Variants in CSMD1 observed in about 807,000 individuals in gnomAD.
CSMD1 encodes the protein CUB and Sushi multiple domains 1.
CSMD1 carries 213 observed loss-of-function variants against 417.5 expected under a neutral mutation model. That is an observed-to-expected ratio of 0.51 (90% confidence interval 0.46 to 0.57). The LOEUF is 0.57. Ranked by LOEUF, CSMD1 falls within the 20% of genes least tolerant of loss-of-function variation. CSMD1 has a pLI of 0.00. For synonymous variants in CSMD1, 2,862 were observed against 1,736.8 expected (o/e 1.65, Z -16.11); for missense variants, 6,923 against 4,529.7 (o/e 1.53, Z -15.17).
chr8:4,008,127 A>C (rs923505338), intron 4 of CSMD1, among the ~76,000 whole-genome samples: 2 of 152,210 alleles, frequency 1.3e-5, no homozygotes, highest in African/African-American at 4.8e-5. Context: ...AAGTCAAGGC[A>C]GGTAGAGAAA....
chr8:3,614,692 G>C (rs935718842), intron 8 of CSMD1, among the ~76,000 whole-genome samples: 14 of 152,170 alleles, frequency 9.2e-5, no homozygotes, highest in African/African-American at 2.4e-4. Flanking sequence ...AGGTTTCTGG[G>C]ATGACAGGAT....
Position 3,411,971 on chromosome 8 carries a change from TATATATACAC to T in CSMD1, c.1562-2376_1562-2367del, listed in dbSNP as rs1216980175. On this transcript the variant is annotated intron_variant, in intron 12 of 69. Transcript: ENST00000635120. ...GTATATATACACGTATATATGCACGTATATATACACGTATATATACGTGTATATACACGTA... is the reference window on the plus strand; with the variant it reads ...GTATATATACACGTATATATGCACGTGTATATATACGTGTATATACACGTA... 4.9e-4 allele frequency among the ~76,000 whole-genome samples: 36 copies of T among 73,132 alleles called. 11 individuals carry two copies. The highest frequency in any genetic ancestry group is 8.5e-4 in the Non-Finnish European group (31 of 36,450). The allele number at this position is 73,132 out of a possible 152,430, so 48.0% of individuals were successfully genotyped here.
intron 1 of CSMD1, among the ~76,000 whole-genome samples, chr8:4,824,506 C>G (rs1431183799): frequency 1.3e-5 from 2 of 152,008 alleles, no homozygotes; most frequent in Non-Finnish European, 2.9e-5. Context: ...ACAGAGTAGT[C>G]CCAATTAAAA....
intron 1 of CSMD1, among the ~76,000 whole-genome samples, chr8:4,990,114 C>T (rs761620982): frequency 6.6e-6 from 1 of 152,158 alleles, no homozygotes; most frequent in Non-Finnish European, 1.5e-5. Flanking sequence ...GCACTACTTG[C>T]CATTTGCTTC....
chr8:4,717,937 G>A (rs1481819189), intron 1 of CSMD1, among the ~76,000 whole-genome samples: 2 of 152,026 alleles, frequency 1.3e-5, no homozygotes, highest in Non-Finnish European at 2.9e-5. Context: ...TAAAACAGTG[G>A]CAAACAATAG....
chr8:4,189,551 T>G (rs1798891232), intron 3 of CSMD1, among the ~76,000 whole-genome samples: 1 of 152,192 alleles, frequency 6.6e-6, no homozygotes, highest in African/African-American at 2.4e-5. Context: ...TACCATCAAT[T>G]ATCCCTCCAA....
At chr8:4,081,893 A>G (rs928666651) in intron 3 of CSMD1, among the ~76,000 whole-genome samples, 1 of 152,228 alleles carries the variant, frequency 6.6e-6, no homozygotes, top group African/African-American at 2.4e-5. Flanking sequence ...GGATTTAGTT[A>G]CAGTAGTGCT....
At chr8:4,955,731 C>T (rs1809056958) in intron 1 of CSMD1, among the ~76,000 whole-genome samples, 1 of 145,772 alleles carries the variant, frequency 6.9e-6, no homozygotes, top group Non-Finnish European at 1.5e-5. Context: ...GCTGGGATTA[C>T]AGGCGTGAGC....
chr8:4,084,843 A>C (rs1313196141), intron 3 of CSMD1, among the ~76,000 whole-genome samples: 1 of 150,348 alleles, frequency 6.7e-6, no homozygotes, highest in East Asian at 2.0e-4. Context: ...TTCCATCTTG[A>C]AGAAGAATGA....
intron 1 of CSMD1, among the ~76,000 whole-genome samples, chr8:4,756,786 T>C (rs1192558308): frequency 6.6e-6 from 1 of 152,170 alleles, no homozygotes; most frequent in Non-Finnish European, 1.5e-5. Flanking sequence ...GCATTTTAGG[T>C]CTATATTTTC....
chr8:3,354,875 A>ATATCTATAGATATGTCTATCTATACATC (rs1808650006), intron 21 of CSMD1, among the ~76,000 whole-genome samples: 1 of 71,522 alleles, frequency 1.4e-5, no homozygotes, highest in African/African-American at 7.1e-5. Context: ...AGATATACAT[A>ATATCTATAGATATGTCTATCTATACATC]TATCTATAGA....
At chr8:3,257,939 A>G (rs975227677) in intron 26 of CSMD1, among the ~76,000 whole-genome samples, 2 of 152,154 alleles carry the variant, frequency 1.3e-5, no homozygotes, top group African/African-American at 4.8e-5. Flanking sequence ...TAATGTAGCC[A>G]CTGTGTTCAG....
Position 3,709,152 on chromosome 8 carries a change from C to T in CSMD1, c.932-661G>A, listed in dbSNP as rs1401062955. On this transcript the variant is annotated intron_variant, in intron 6 of 69. Transcript: ENST00000635120. ...CTGCATTAAACATTTTAAGAAGTTT[C>T]ATTTTTTTTTTTTGGTCACTTACGG... Among the ~76,000 whole-genome samples the T allele has an allele frequency of 2.6e-4, 8 of 30,658 alleles. No individual in the cohort carries two copies. In the Admixed American group the frequency reaches 5.8e-3, roughly 22 times the overall value. 20.1% of individuals were successfully genotyped at this position (30,658 alleles called of 152,430 possible). A position where few individuals can be genotyped will look rare whatever the true frequency, so the allele number is the denominator to read the frequency against.
intron 3 of CSMD1, among the ~76,000 whole-genome samples, chr8:4,240,032 T>G (rs1802296882): frequency 6.6e-6 from 1 of 152,240 alleles, no homozygotes; most frequent in Non-Finnish European, 1.5e-5. Context: ...TCCCACATAT[T>G]TCTTGACAAG....
chr8:4,182,878 A>G (rs1052359117), intron 3 of CSMD1, among the ~76,000 whole-genome samples: 1 of 152,194 alleles, frequency 6.6e-6, no homozygotes, highest in African/African-American at 2.4e-5. Context: ...CTCAGAGTCT[A>G]GAACTGTATG....
At chr8:4,555,863 G>C (rs998888435) in intron 2 of CSMD1, among the ~76,000 whole-genome samples, 2 of 151,964 alleles carry the variant, frequency 1.3e-5, no homozygotes, top group Admixed American at 6.6e-5. Flanking sequence ...ATATCTAAAA[G>C]ACTGAAAAGA....
intron 18 of CSMD1, among the ~76,000 whole-genome samples, chr8:3,386,556 C>A (rs61059223): frequency 4.0e-4 from 61 of 152,220 alleles, no homozygotes; most frequent in African/African-American, 1.4e-3. Flanking sequence ...TTCCATAAAC[C>A]CTGTTATTTT....
chr8:3,527,579 G>A (rs1466072733), intron 10 of CSMD1, among the ~76,000 whole-genome samples: 4 of 151,912 alleles, frequency 2.6e-5, no homozygotes, highest in Non-Finnish European at 5.9e-5. Flanking sequence ...AAATCGCACA[G>A]AACTCTATAC....
chr8:3,852,101 C>T (rs1268064987), intron 5 of CSMD1, among the ~76,000 whole-genome samples: 1 of 152,154 alleles, frequency 6.6e-6, no homozygotes, highest in Non-Finnish European at 1.5e-5. Context: ...ATTCAAGAAA[C>T]AGAGGCTCAG....
Sources: allele counts gnomAD v4.1 joint callset (sites outside exome capture counted in the v4.1 genomes callset), GRCh38; gene constraint gnomAD v4.1.1; transcripts MANE v1.5; gene names NCBI Gene and HGNC (gene_info 2026-07-23, HGNC 2026-07-21).